LINGO2: variants seen among roughly 807,000 people sequenced by gnomAD.
The protein encoded by LINGO2 is leucine-rich repeat and immunoglobulin-like domain-containing nogo receptor-interacting protein 2.
A neutral mutation model predicts 30.6 loss-of-function variants in LINGO2; 14 were observed. The ratio of observed to expected loss-of-function variants is 0.46; its 90% confidence interval spans 0.30 to 0.72. The LOEUF (loss-of-function observed/expected upper bound fraction) is 0.72. Among genes scored for constraint, LINGO2 ranks in the 30% least tolerant of loss-of-function variants. LINGO2 has a pLI of 0.07. For missense variants in LINGO2, 729 were observed against 751.7 expected (o/e 0.97, Z 0.35); for synonymous variants, 317 against 288.5 (o/e 1.10, Z -1.00).
chr9:28,495,249 T>G (rs990933822), intron 1 of LINGO2, among the ~76,000 whole-genome samples: 53 of 152,204 alleles, frequency 3.5e-4, no homozygotes, highest in Non-Finnish European at 5.4e-4. Context: ...TTTTGTCTTT[T>G]GTTGCCATTG....
the LINGO2 span, among the ~76,000 whole-genome samples, chr9:29,074,720 C>T: frequency 7.8e-6 from 1 of 128,630 alleles, no homozygotes; most frequent in Non-Finnish European, 1.6e-5. Flanking sequence ...GAGTCTCGCT[C>T]TCTCGCCCAG....
the LINGO2 span, among the ~76,000 whole-genome samples, chr9:28,739,940 A>G: frequency 3.8e-4 from 49 of 128,332 alleles, no homozygotes; most frequent in Admixed American, 1.9e-3. Flanking sequence ...ATATGTGTGT[A>G]TATATATATA....
the LINGO2 span, among the ~76,000 whole-genome samples, chr9:28,777,353 A>C: frequency 6.6e-6 from 1 of 152,192 alleles, no homozygotes; most frequent in Non-Finnish European, 1.5e-5. Flanking sequence ...AACTGAAGAA[A>C]AGTAGGCAGG....
chr9:28,143,213 C>T (rs115250903), intron 4 of LINGO2, among the ~76,000 whole-genome samples: 2,799 of 152,214 alleles, frequency 0.018, 96 homozygotes, highest in African/African-American at 0.064. Flanking sequence ...ACATTAGATC[C>T]TTTGACTTCA....
In LINGO2 at chr9:28,054,568, T is replaced by C. The variant is rs148068286; in HGVS notation, c.-86-42163A>G. On this transcript the variant is annotated intron_variant, in intron 4 of 5. Coordinates refer to ENST00000379992, the Ensembl canonical transcript of LINGO2. ...GAAGTTCCATTAACTGTTTAAAAAATTTTAGAAGAAAAACTTACAACACTT... is the reference window on the plus strand; with the variant it reads ...GAAGTTCCATTAACTGTTTAAAAAACTTTAGAAGAAAAACTTACAACACTT... Among the ~76,000 whole-genome samples the C allele has an allele frequency of 4.8e-3, 735 of 152,218 alleles. 12 individuals are homozygous for C. Among genetic ancestry groups the C allele is most frequent in the African/African-American group, 0.016 (657 of 41,568 alleles).
At chr9:28,506,413 TATATATATACACACAC>T (rs1820120885) in intron 1 of LINGO2, among the ~76,000 whole-genome samples, 1 of 2,456 alleles carries the variant, frequency 4.1e-4, no homozygotes, top group African/African-American at 8.0e-4. Context: ...TATATATATA[TATATATATACACACAC>T]ACACACACAC....
At chr9:29,206,368 A>G in the LINGO2 span, among the ~76,000 whole-genome samples, 1 of 152,320 alleles carries the variant, frequency 6.6e-6, no homozygotes, top group South Asian at 2.1e-4. Flanking sequence ...CAATGACTCC[A>G]ATTATGTATT....
intron 2 of LINGO2, among the ~76,000 whole-genome samples, chr9:28,453,193 C>T (rs1280953559): frequency 2.0e-5 from 3 of 151,798 alleles, no homozygotes; most frequent in African/African-American, 7.3e-5. Context: ...ATGCTAGTCA[C>T]TGGGATATGA....
At chr9:28,851,808 G>T in the LINGO2 span, among the ~76,000 whole-genome samples, 1 of 151,892 alleles carries the variant, frequency 6.6e-6, no homozygotes, top group Admixed American at 6.6e-5. Context: ...CAGACCCCTA[G>T]AAGAGTAAAT....
At chr9:29,102,231 G>A in the LINGO2 span, among the ~76,000 whole-genome samples, 5 of 151,994 alleles carry the variant, frequency 3.3e-5, no homozygotes, top group Admixed American at 1.3e-4. Context: ...ACAGGTGCCC[G>A]TCACCATGCC....
In LINGO2 at chr9:28,311,540, T is replaced by C. The variant is rs181530477; in HGVS notation, c.-245-16174A>G. ...GGCCTACCCTCAGGGACGCATTCTCTTTCTCAGGGATGTTCCTTGCTGAGA... is the reference window on the plus strand; with the variant it reads ...GGCCTACCCTCAGGGACGCATTCTCCTTCTCAGGGATGTTCCTTGCTGAGA... On this transcript the variant is annotated intron_variant, in intron 3 of 5. Transcript: ENST00000379992. Among the ~76,000 whole-genome samples, 447 of 152,262 alleles carry C rather than the reference T, an allele frequency of 2.9e-3. 9 individuals carry two copies. Among genetic ancestry groups the C allele is most frequent in the Non-Finnish European group, 5.9e-4 (40 of 68,018 alleles).
At chr9:28,961,441 T>C in the LINGO2 span, among the ~76,000 whole-genome samples, 1 of 152,134 alleles carries the variant, frequency 6.6e-6, no homozygotes, top group Non-Finnish European at 1.5e-5. Flanking sequence ...TTTTGCATGT[T>C]TATTAAAAAG....
chr9:28,883,628 G>GTGTGTGTGTGTATATA, the LINGO2 span, among the ~76,000 whole-genome samples: 2 of 64,180 alleles, frequency 3.1e-5, no homozygotes, highest in Non-Finnish European at 6.1e-5. Context: ...ATGTGTGTGT[G>GTGTGTGTGTGTATATA]TATATATATA....
the LINGO2 span, among the ~76,000 whole-genome samples, chr9:28,860,637 G>T: frequency 2.0e-5 from 3 of 149,348 alleles, no homozygotes; most frequent in Non-Finnish European, 4.4e-5. Context: ...ATATAAAGAT[G>T]CATATATATA....
chr9:28,956,612 C>T, the LINGO2 span, among the ~76,000 whole-genome samples: 1 of 98,166 alleles, frequency 1.0e-5, no homozygotes, highest in Non-Finnish European at 2.1e-5. Context: ...CCTTCTTTCC[C>T]TCCCACCCTC....
At chr9:28,150,180 C>T (rs1173123921) in intron 4 of LINGO2, among the ~76,000 whole-genome samples, 4 of 151,580 alleles carry the variant, frequency 2.6e-5, no homozygotes, top group Non-Finnish European at 5.9e-5. Flanking sequence ...AGAAGCGCCT[C>T]TGCCCAGCCC....
intron 4 of LINGO2, among the ~76,000 whole-genome samples, chr9:28,196,430 A>T (rs1820015464): frequency 6.6e-6 from 1 of 151,872 alleles, no homozygotes; most frequent in African/African-American, 2.4e-5. Context: ...AGCATATTGG[A>T]ATTAATAGAC....
At chr9:29,149,596 C>T in the LINGO2 span, among the ~76,000 whole-genome samples, 1 of 151,890 alleles carries the variant, frequency 6.6e-6, no homozygotes, top group South Asian at 2.1e-4. Context: ...CTGAACAGCT[C>T]CTAGGGAAGA....
chr9:29,169,876 T>C, the LINGO2 span, among the ~76,000 whole-genome samples: 2 of 152,248 alleles, frequency 1.3e-5, no homozygotes, highest in East Asian at 1.9e-4. Flanking sequence ...CACGCGCCTG[T>C]AGTCTCAGCT....
Sources: gnomAD v4.1 joint callset for allele counts (sites outside exome capture counted in the v4.1 genomes callset) on GRCh38, gnomAD v4.1.1 for gene constraint, MANE v1.5 for transcripts, NCBI Gene and HGNC (gene_info 2026-07-23, HGNC 2026-07-21) for gene names.